ARMH3: variants seen among roughly 807,000 people sequenced by gnomAD.
ARMH3 encodes armadillo-like helical domain-containing protein 3.
ARMH3 carries 60 observed loss-of-function variants against 99.1 expected under a neutral mutation model. That is an observed-to-expected ratio of 0.61 (90% CI 0.49 to 0.75). The LOEUF is 0.75. ARMH3 is among the 30% of genes least tolerant of loss of function. The pLI is 0.00. For missense variants in ARMH3, 679 were observed against 843.1 expected, an observed-to-expected ratio of 0.81 and a Z score of 2.41; for synonymous variants, 285 against 292.8, an observed-to-expected ratio of 0.97 and a Z score of 0.27.
At chr10:102,022,060 A>G (rs1373939196) in intron 8 of ARMH3, among the ~76,000 whole-genome samples, 4 of 152,158 alleles carry the variant, frequency 2.6e-5, no homozygotes, top group Non-Finnish European at 5.9e-5. Flanking sequence ...ATAGTCATAC[A>G]CTATCCAGGT....
intron 24 of ARMH3, among the ~76,000 whole-genome samples, chr10:101,863,950 G>T (rs1322563382): frequency 6.6e-6 from 1 of 150,988 alleles, no homozygotes; most frequent in East Asian, 1.9e-4. Context: ...AGTCCCAGCT[G>T]CCCAGGAGGC....
At chr10:101,989,496 G>A (rs1217667037) in intron 19 of ARMH3, among the ~76,000 whole-genome samples, 3 of 152,124 alleles carry the variant, frequency 2.0e-5, no homozygotes, top group South Asian at 2.1e-4. Flanking sequence ...TGAAGTGGGC[G>A]GATCACCTGA....
At chr10:101,989,463 G>T (rs1164867179) in intron 19 of ARMH3, among the ~76,000 whole-genome samples, 2 of 152,178 alleles carry the variant, frequency 1.3e-5, no homozygotes, top group Admixed American at 6.5e-5. Context: ...GCTCATGCCT[G>T]TAGTCCCAGC....
At chr10:101,932,341 C>A (rs979025355) in intron 23 of ARMH3, among the ~76,000 whole-genome samples, 3 of 152,142 alleles carry the variant, frequency 2.0e-5, no homozygotes, top group Admixed American at 1.3e-4. Flanking sequence ...CATGGTGCAG[C>A]CACTTTGAGT....
chr10:101,927,836 G>A (rs1843568424), intron 23 of ARMH3, among the ~76,000 whole-genome samples: 1 of 152,310 alleles, frequency 6.6e-6, no homozygotes, highest in Non-Finnish European at 1.5e-5. Flanking sequence ...ACTTTGGAGG[G>A]CCAGGGCAGG....
At chr10:102,015,163 A>C (rs905914036) in intron 8 of ARMH3, among the ~76,000 whole-genome samples, 8 of 152,138 alleles carry the variant, frequency 5.3e-5, no homozygotes, top group African/African-American at 1.7e-4. Flanking sequence ...TGACAGAAGG[A>C]AGGCTCTCAA....
chr10:101,930,666 C>T (rs930680088), intron 23 of ARMH3, among the ~76,000 whole-genome samples: 14 of 152,084 alleles, frequency 9.2e-5, no homozygotes, highest in Admixed American at 2.0e-4. Flanking sequence ...GGCTGACAGC[C>T]TAAGTTCCAG....
At chr10:101,914,174 G>A (rs933002252) in intron 23 of ARMH3, among the ~76,000 whole-genome samples, 4 of 152,098 alleles carry the variant, frequency 2.6e-5, no homozygotes, top group Admixed American at 2.0e-4. Flanking sequence ...GGCTGAAGGG[G>A]CATAAAAACA....
intron 23 of ARMH3, among the ~76,000 whole-genome samples, chr10:101,895,348 T>C (rs962796880): frequency 6.6e-6 from 1 of 151,748 alleles, no homozygotes; most frequent in Non-Finnish European, 1.5e-5. Context: ...GGTGCAATCT[T>C]GGCTCACTGC....
chr10:101,994,096 C>G (rs1846944211), intron 16 of ARMH3, among the ~76,000 whole-genome samples: 1 of 152,148 alleles, frequency 6.6e-6, no homozygotes, highest in Admixed American at 6.5e-5. Context: ...CAGGCAAGAC[C>G]CTGTCTATTC....
intron 22 of ARMH3, among the ~76,000 whole-genome samples, chr10:101,941,172 T>C (rs1228831947): frequency 6.6e-6 from 1 of 152,228 alleles, no homozygotes. Context: ...CCTACATTTA[T>C]GTAGAGAAGT....
Position 101,849,832 on chromosome 10 carries a change from C to T in ARMH3, c.1921G>A (p.Asp641Asn). Reference protein sequence around the residue: ...TLTLKLQDGLDQYERYSEQHK... With the variant: ...TLTLKLQDGLNQYERYSEQHK... The stretch of plus-strand genomic sequence containing the variant: ...TGCTCTGAGTAGCGCTCATACTGGT[C>T]CAGGCCATCCTGCAGCTTCAGCGTG... Residue 641 changes from aspartate (D) to asparagine (N), a missense_variant, in exon 25 of 26, where the codon GAC becomes AAC. Coordinates refer to ENST00000370033, the MANE Select transcript of ARMH3 (RefSeq NM_024541.3). 1.2e-6 allele frequency: 2 copies of T among 1,614,176 alleles called. No individual in the cohort carries two copies. Among genetic ancestry groups the T allele is most frequent in the Non-Finnish European group, 1.7e-6 (2 of 1,180,040 alleles).
intron 15 of ARMH3, 145 bp downstream of exon 15, chr10:102,001,826 T>A (rs2066368311): frequency 2.9e-6 from 2 of 691,120 alleles, no homozygotes; most frequent in Admixed American, 5.9e-5. Context: ...AGGTGAGACA[T>A]CACTATTTTC....
At chr10:101,865,053 A>C (rs2066967351) in intron 24 of ARMH3, among the ~76,000 whole-genome samples, 1 of 151,976 alleles carries the variant, frequency 6.6e-6, no homozygotes, top group South Asian at 2.1e-4. Context: ...CGTCTCTACT[A>C]AAAATACAAA....
chr10:102,026,761 G>C (rs1182527838), intron 5 of ARMH3, among the ~76,000 whole-genome samples: 2 of 152,140 alleles, frequency 1.3e-5, no homozygotes, highest in Admixed American at 6.6e-5. Flanking sequence ...ACTAATGAAG[G>C]ATTTTAAGCA....
intron 24 of ARMH3, among the ~76,000 whole-genome samples, chr10:101,884,133 C>G (rs530391006): frequency 6.6e-6 from 1 of 152,168 alleles, no homozygotes; most frequent in South Asian, 2.1e-4. Flanking sequence ...TATTTGCGGT[C>G]CTCTTTAAAA....
chr10:101,879,347 A>G (rs2067352023), intron 24 of ARMH3, among the ~76,000 whole-genome samples: 1 of 151,688 alleles, frequency 6.6e-6, no homozygotes, highest in Non-Finnish European at 1.5e-5. Flanking sequence ...CAAATAATTT[A>G]CATAAGAATT....
At position 101,847,440 on chromosome 10, in the gene ARMH3, G is replaced by A. The variant is rs562138098; in HGVS notation, c.*88C>T. The A allele has an allele frequency of 3.3e-4, 438 of 1,342,276 alleles. No individual in the cohort carries two copies. The highest frequency in any genetic ancestry group is 4.1e-4 in the South Asian group (35 of 84,620). The allele number at this position is 1,342,276 out of a possible 1,614,324, so 83.1% of individuals were successfully genotyped here. On this transcript the variant is annotated 3_prime_UTR_variant, in exon 26 of 26. Transcript: ENST00000370033. Reference sequence around the variant, plus strand: ...GGTATCTGTGTTTCTCTCCAACCTCGGGGGCAGCCCCCTCTCCCCTCGCTC... The same window carrying A: ...GGTATCTGTGTTTCTCTCCAACCTCAGGGGCAGCCCCCTCTCCCCTCGCTC...
At chr10:102,002,974 A>C (rs1218961276) in intron 14 of ARMH3, among the ~76,000 whole-genome samples, 1 of 150,430 alleles carries the variant, frequency 6.6e-6, no homozygotes, top group East Asian at 2.0e-4. Flanking sequence ...TAAATAAATA[A>C]ATAAATAAAT....
Sources: gnomAD v4.1 joint callset for allele counts (sites outside exome capture counted in the v4.1 genomes callset) on GRCh38, gnomAD v4.1.1 for gene constraint, MANE v1.5 for transcripts, NCBI Gene and HGNC (gene_info 2026-07-23, HGNC 2026-07-21) for gene names.